Variants in PLXNA4 observed in about 807,000 individuals in gnomAD.
The protein encoded by PLXNA4 is plexin A4, also known as plexin-A4.
A neutral mutation model predicts 191.8 loss-of-function variants in PLXNA4; 44 were observed. The observed-to-expected ratio is 0.23, with a 90% CI of 0.18 to 0.29. The LOEUF is 0.29. PLXNA4 is among the 10% of genes least tolerant of loss of function. The pLI, the probability that PLXNA4 is intolerant of heterozygous loss-of-function variation, is 1.00. For synonymous variants in PLXNA4, 1,082 were observed against 1,009.5 expected (o/e 1.07, Z -1.36); for missense variants, 1,800 against 2,488.8 (o/e 0.72, Z 5.89).
chr7:132,195,046 A>C (rs1194883016), intron 13 of PLXNA4, among the ~76,000 whole-genome samples: 1 of 152,184 alleles, frequency 6.6e-6, no homozygotes, highest in Non-Finnish European at 1.5e-5. Flanking sequence ...ATTTGCATAC[A>C]TATACACATA....
intron 3 of PLXNA4, among the ~76,000 whole-genome samples, chr7:132,404,435 A>G (rs1794125992): frequency 6.6e-6 from 1 of 152,248 alleles, no homozygotes; most frequent in African/African-American, 2.4e-5. Context: ...GTCACCAACC[A>G]GCCCTCACAG....
intron 3 of PLXNA4, among the ~76,000 whole-genome samples, chr7:132,437,187 T>C (rs1369414296): frequency 2.0e-5 from 3 of 152,294 alleles, no homozygotes; most frequent in Non-Finnish European, 2.9e-5. Context: ...TCCAATTCAG[T>C]GGCCACACCA....
intron 3 of PLXNA4, among the ~76,000 whole-genome samples, chr7:132,305,361 AAC>A (rs57158164): frequency 0.096 from 12,609 of 130,880 alleles, 851 homozygotes; most frequent in African/African-American, 0.21. Flanking sequence ...GCTTACCAAG[AAC>A]ACACACACAC....
At chr7:132,279,637 C>T (rs7778725) in intron 4 of PLXNA4, among the ~76,000 whole-genome samples, 98,555 of 151,330 alleles carry the variant, frequency 0.65, 33,980 homozygotes, top group African/African-American at 0.88. Flanking sequence ...TCTGTCTCAG[C>T]GAAGAAAAAA....
chr7:132,376,704 A>G (rs1804670721), intron 3 of PLXNA4, among the ~76,000 whole-genome samples: 2 of 152,002 alleles, frequency 1.3e-5, no homozygotes, highest in Non-Finnish European at 2.9e-5. Flanking sequence ...AGCGCCCACC[A>G]CCTTTAATTT....
chr7:132,414,684 CA>C (rs1251020488), intron 3 of PLXNA4, among the ~76,000 whole-genome samples: 1 of 152,142 alleles, frequency 6.6e-6, no homozygotes, highest in Non-Finnish European at 1.5e-5. Flanking sequence ...AATCAGCCCC[CA>C]GTCCCCAGTC....
chr7:132,353,575 C>G (rs1302321454), intron 3 of PLXNA4, among the ~76,000 whole-genome samples: 2 of 152,084 alleles, frequency 1.3e-5, no homozygotes, highest in Non-Finnish European at 2.9e-5. Context: ...ATCTGTTTGG[C>G]AAGTTCTGTT....
chr7:132,636,504 C>T (rs930442713), intron 2 of PLXNA4, among the ~76,000 whole-genome samples: 17 of 152,128 alleles, frequency 1.1e-4, no homozygotes, highest in Non-Finnish European at 2.2e-4. Context: ...GGTTATTATC[C>T]CACACTCTCG....
chr7:132,247,482 C>T (rs1005248617), intron 4 of PLXNA4, among the ~76,000 whole-genome samples: 13 of 152,310 alleles, frequency 8.5e-5, no homozygotes, highest in Middle Eastern at 3.4e-3. Context: ...GCTGTGCAGA[C>T]GCTGCACTTG....
intron 3 of PLXNA4, among the ~76,000 whole-genome samples, chr7:132,474,079 G>A (rs1030393962): frequency 1.3e-5 from 2 of 151,796 alleles, no homozygotes; most frequent in Admixed American, 6.6e-5. Context: ...AAAAAAAACA[G>A]GGCAATAAAC....
At chr7:132,343,307 A>G (rs1313461276) in intron 3 of PLXNA4, among the ~76,000 whole-genome samples, 4 of 152,226 alleles carry the variant, frequency 2.6e-5, no homozygotes, top group Non-Finnish European at 4.4e-5. Context: ...AAGAACATTC[A>G]CATTGTTGTG....
intron 2 of PLXNA4, among the ~76,000 whole-genome samples, chr7:132,617,193 A>T (rs1563195988): frequency 6.6e-6 from 1 of 152,148 alleles, no homozygotes; most frequent in Non-Finnish European, 1.5e-5. Flanking sequence ...TTGTTCTCTG[A>T]GGCTTGCTCC....
intron 3 of PLXNA4, among the ~76,000 whole-genome samples, chr7:132,429,342 G>C (rs958558688): frequency 6.6e-6 from 1 of 152,134 alleles, no homozygotes; most frequent in Non-Finnish European, 1.5e-5. Context: ...AAATGGATGG[G>C]TATAGGAAGA....
At chr7:132,230,494 C>T (rs1387785615) in intron 5 of PLXNA4, among the ~76,000 whole-genome samples, 1 of 152,144 alleles carries the variant, frequency 6.6e-6, no homozygotes, top group African/African-American at 2.4e-5. Context: ...TCTAGAAAAC[C>T]CCCTCCCAGG....
chr7:132,333,936 C>G (rs1009546082), intron 3 of PLXNA4, among the ~76,000 whole-genome samples: 8 of 152,204 alleles, frequency 5.3e-5, no homozygotes, highest in Non-Finnish European at 7.3e-5. Context: ...CTCCGGGGTC[C>G]TGGAAGACCT....
At chr7:132,257,743 C>T (rs1799482163) in intron 4 of PLXNA4, among the ~76,000 whole-genome samples, 1 of 152,182 alleles carries the variant, frequency 6.6e-6, no homozygotes, top group South Asian at 2.1e-4. Context: ...CACAGATGCT[C>T]AGTTGTGGCC....
intron 2 of PLXNA4, among the ~76,000 whole-genome samples, chr7:132,589,444 T>C (rs1802565997): frequency 6.6e-6 from 1 of 152,216 alleles, no homozygotes; most frequent in Non-Finnish European, 1.5e-5. Flanking sequence ...TTTTAAATTA[T>C]AGAAAGTTGA....
intron 4 of PLXNA4, among the ~76,000 whole-genome samples, chr7:132,257,110 T>G (rs1799460002): frequency 6.6e-6 from 1 of 152,312 alleles, no homozygotes; most frequent in East Asian, 1.9e-4. Flanking sequence ...TAACACAAGG[T>G]GTCTGTGACC....
chr7:132,292,058 A>G (rs12538528), intron 4 of PLXNA4, among the ~76,000 whole-genome samples: 45,723 of 152,110 alleles, frequency 0.3, 7,055 homozygotes, highest in Admixed American at 0.42. Context: ...GCCTCCCAAA[A>G]TGCTGGGATT....
Sources: allele counts gnomAD v4.1 joint callset (sites outside exome capture counted in the v4.1 genomes callset), GRCh38; gene constraint gnomAD v4.1.1; transcripts MANE v1.5; gene names NCBI Gene and HGNC (gene_info 2026-07-23, HGNC 2026-07-21).